The following RNFT2 variants were observed in gnomAD, a reference collection of about 807,000 sequenced individuals.
RNFT2 encodes ring finger protein, transmembrane 2.
A neutral mutation model predicts 53.0 loss-of-function variants in RNFT2; 36 were observed. The ratio of observed to expected loss-of-function variants is 0.68; its 90% confidence interval spans 0.52 to 0.90. The LOEUF (loss-of-function observed/expected upper bound fraction) is 0.90. RNFT2 is among the 40% of genes least tolerant of loss of function. The pLI, the probability that RNFT2 is intolerant of heterozygous loss-of-function variation, is 0.00. For missense variants in RNFT2, 514 were observed against 585.6 expected (o/e 0.88, Z 1.26); for synonymous variants, 260 against 253.2 (o/e 1.03, Z -0.26).
At chr12:116,802,403 G>A (rs1028338993) in intron 7 of RNFT2, among the ~76,000 whole-genome samples, 16 of 152,202 alleles carry the variant, frequency 1.1e-4, no homozygotes, top group African/African-American at 3.9e-4. Context: ...AACCAGCCAT[G>A]CCCATTTATG....
chr12:116,787,038 A>G lies in RNFT2; in HGVS notation c.882+7690A>G, dbSNP rs144160406. 2.0e-5 allele frequency among the ~76,000 whole-genome samples: 3 copies of G among 152,306 alleles called. No individual in the cohort carries two copies. In the East Asian group the frequency reaches 5.8e-4, roughly 29 times the overall value. ...GGCAGGGTAACCTCCCCATGCCGAT[A>G]TCCTTAATCACATCTGCAAAGACAT... On this transcript the variant is annotated intron_variant, in intron 7 of 10. Coordinates refer to ENST00000257575, the MANE Select transcript of RNFT2 (RefSeq NM_001382266.1).
At chr12:116,790,416 C>G (rs1417139876) in intron 7 of RNFT2, among the ~76,000 whole-genome samples, 1 of 152,196 alleles carries the variant, frequency 6.6e-6, no homozygotes, top group Non-Finnish European at 1.5e-5. Flanking sequence ...TTAATCTTAA[C>G]AGTCCCAGGA....
chr12:116,800,863 A>ACAATAAAATAAAATAAAAT (rs1874760294), intron 7 of RNFT2, among the ~76,000 whole-genome samples: 1 of 42,586 alleles, frequency 2.3e-5, no homozygotes, highest in African/African-American at 5.0e-5. Context: ...TAAAATAAAA[A>ACAATAAAATAAAATAAAAT]CCATTTAACA....
chr12:116,749,170 C>T (rs1238752764), intron 3 of RNFT2, among the ~76,000 whole-genome samples: 1 of 152,198 alleles, frequency 6.6e-6, no homozygotes. Context: ...AGGGTATCAG[C>T]AGGGTTGGTT....
At chr12:116,794,614 G>C (rs1159686126) in intron 7 of RNFT2, among the ~76,000 whole-genome samples, 2 of 144,754 alleles carry the variant, frequency 1.4e-5, no homozygotes, top group Non-Finnish European at 3.0e-5. Context: ...CAAAAGAAAG[G>C]AAAGAAAGGG....
chr12:116,765,570 G>A (rs879868602), intron 5 of RNFT2, among the ~76,000 whole-genome samples: 1 of 152,194 alleles, frequency 6.6e-6, no homozygotes, highest in African/African-American at 2.4e-5. Context: ...AGAATCAACA[G>A]CAGAGGGATC....
rs1179838115 is a variant in RNFT2 at position 116,845,256 on chromosome 12, A to AT, written c.1201-4058_1201-4057insT. Among the ~76,000 whole-genome samples the AT allele has an allele frequency of 2.1e-3, 238 of 113,478 alleles. 2 individuals are homozygous for AT. Among genetic ancestry groups the AT allele is most frequent in the African/African-American group, 9.6e-3 (171 of 17,884 alleles). 74.4% of individuals were successfully genotyped at this position (113,478 alleles called of 152,430 possible). ...AAGACCCGGTTTCAAAAAAAAAAAA[A>AT]AAATATATATATATATATAGAGAGA... On this transcript the variant is annotated intron_variant, in intron 10 of 10. Transcript: ENST00000257575.
At chr12:116,750,850 TAA>T (rs369720938) in intron 4 of RNFT2, among the ~76,000 whole-genome samples, 107 of 3,296 alleles carry the variant, frequency 0.032, 4 homozygotes, top group African/African-American at 0.047. Context: ...TATATATATA[TAA>T]TATATATTAT....
intron 5 of RNFT2, among the ~76,000 whole-genome samples, chr12:116,757,486 C>A (rs1477048716): frequency 6.6e-6 from 1 of 152,062 alleles, no homozygotes; most frequent in Non-Finnish European, 1.5e-5. Flanking sequence ...ATTAGCACCA[C>A]CTTTGCCATA....
At chr12:116,745,640 C>T (rs1020496192) in intron 3 of RNFT2, among the ~76,000 whole-genome samples, 1 of 152,216 alleles carries the variant, frequency 6.6e-6, no homozygotes, top group Non-Finnish European at 1.5e-5. Context: ...CTGTGTGTCA[C>T]AGGTGTTCTG....
chr12:116,843,536 A>G (rs1332465066), intron 10 of RNFT2, among the ~76,000 whole-genome samples: 1 of 151,142 alleles, frequency 6.6e-6, no homozygotes, highest in East Asian at 1.9e-4. Flanking sequence ...CAAACAAACA[A>G]AAAAACAATC....
rs539538850 is a variant in RNFT2 at position 116,833,719 on chromosome 12, G to T, written c.883-73G>T. ...ACCTAGAATGTCATCACTGCCCGGG[G>T]CGGGGGGCCCCCCAGCTGGGTCCTT... On this transcript the variant is annotated intron_variant, in intron 7 of 10. Transcript: ENST00000257575. 4.2e-5 allele frequency: 64 copies of T among 1,540,120 alleles called. 1 individual carries two copies. The highest frequency in any genetic ancestry group is 2.3e-4 in the East Asian group (10 of 43,032).
chr12:116,792,576 T>C (rs545399493), intron 7 of RNFT2, among the ~76,000 whole-genome samples: 62 of 152,232 alleles, frequency 4.1e-4, no homozygotes, highest in Non-Finnish European at 6.6e-4. Flanking sequence ...TTTTTGATGA[T>C]GATTATTTTA....
At chr12:116,770,355 G>C (rs1304623216) in intron 6 of RNFT2, among the ~76,000 whole-genome samples, 1 of 152,138 alleles carries the variant, frequency 6.6e-6, no homozygotes, top group Admixed American at 6.5e-5. Flanking sequence ...ATATCATATA[G>C]CCTAGATGTG....
At chr12:116,797,307 C>A (rs1874547075) in intron 7 of RNFT2, among the ~76,000 whole-genome samples, 1 of 152,132 alleles carries the variant, frequency 6.6e-6, no homozygotes, top group South Asian at 2.1e-4. Context: ...TTCCTGTAAT[C>A]CCAGCACTTT....
chr12:116,772,468 G>A (rs1971306), intron 6 of RNFT2, among the ~76,000 whole-genome samples: 131,372 of 151,978 alleles, frequency 0.86, 57,457 homozygotes, highest in Non-Finnish European at 0.94. Context: ...CACCACGCCC[G>A]GCTGATTTTT....
chr12:116,790,196 C>A (rs1874170537), intron 7 of RNFT2, among the ~76,000 whole-genome samples: 1 of 152,196 alleles, frequency 6.6e-6, no homozygotes, highest in Non-Finnish European at 1.5e-5. Context: ...AGAAATCTGG[C>A]AGCCACACTT....
intron 3 of RNFT2, among the ~76,000 whole-genome samples, chr12:116,744,258 T>C (rs1871790737): frequency 6.8e-6 from 1 of 146,222 alleles, no homozygotes; most frequent in Non-Finnish European, 1.5e-5. Flanking sequence ...TGTTTATGGA[T>C]GAAGGAGTGA....
intron 5 of RNFT2, chr12:116,755,337 TC>T: frequency 1.4e-6 from 1 of 713,376 alleles, no homozygotes; most frequent in Non-Finnish European, 2.5e-6. Context: ...TTGGTCTATG[TC>T]CCTATTTTTT....
Sources: allele counts gnomAD v4.1 joint callset (sites outside exome capture counted in the v4.1 genomes callset), GRCh38; gene constraint gnomAD v4.1.1; transcripts MANE v1.5; gene names NCBI Gene and HGNC (gene_info 2026-07-23, HGNC 2026-07-21).